The following KCNH1 variants were observed in gnomAD, a reference collection of about 807,000 sequenced individuals.
KCNH1 encodes the protein voltage-gated delayed rectifier potassium channel KCNH1.
Under a neutral mutation model 69.2 loss-of-function variants are expected in KCNH1, and 27 were observed. That is an observed-to-expected ratio of 0.39 (90% CI 0.29 to 0.54). The LOEUF is 0.54. Among genes scored for constraint, KCNH1 ranks in the 20% least tolerant of loss-of-function variants. KCNH1 has a pLI of 0.68. For synonymous variants in KCNH1, 456 were observed against 487.7 expected (o/e 0.93, Z 0.86); for missense variants, 798 against 1,261.6 (o/e 0.63, Z 5.57).
intron 10 of KCNH1, among the ~76,000 whole-genome samples, chr1:210,720,922 ACT>A (rs1177100180): frequency 6.6e-6 from 1 of 152,070 alleles, no homozygotes; most frequent in Non-Finnish European, 1.5e-5. Flanking sequence ...TATGACAGTC[ACT>A]CTGACATTGA....
At chr1:211,000,857 C>T (rs1440307405) in intron 6 of KCNH1, among the ~76,000 whole-genome samples, 1 of 151,992 alleles carries the variant, frequency 6.6e-6, no homozygotes, top group Non-Finnish European at 1.5e-5. Context: ...GAAATAATAC[C>T]ACAAATCTAC....
intron 1 of KCNH1, among the ~76,000 whole-genome samples, chr1:211,113,693 C>T (rs1040564449): frequency 3.9e-5 from 6 of 152,182 alleles, no homozygotes; most frequent in African/African-American, 1.4e-4. Flanking sequence ...CACTCCTGAG[C>T]CTCCCTCAGT....
In KCNH1 at chr1:210,701,228, C is replaced by T. The variant is rs558442911; in HGVS notation, c.2113-17090G>A. ...CTGGGATTACAGGCGTGAGCCACCA[C>T]ACCCGGCCCTTTTTATTTTTTTGGT... is the stretch of plus-strand genomic sequence containing the variant. On this transcript the variant is annotated intron_variant, in intron 10 of 10. Transcript: ENST00000271751. Among the ~76,000 whole-genome samples the T allele has an allele frequency of 2.6e-5, 4 of 152,300 alleles. No homozygotes were observed. In the South Asian group the frequency reaches 8.3e-4, roughly 32 times the overall value.
chr1:211,126,124 G>A (rs891637949), intron 1 of KCNH1, among the ~76,000 whole-genome samples: 1 of 152,136 alleles, frequency 6.6e-6, no homozygotes, highest in African/African-American at 2.4e-5. Context: ...CAGCACTTTG[G>A]GTAGCTGAGG....
intron 5 of KCNH1, among the ~76,000 whole-genome samples, chr1:211,066,947 G>A (rs1006242142): frequency 9.9e-5 from 15 of 152,148 alleles, no homozygotes; most frequent in Non-Finnish European, 2.2e-4. Flanking sequence ...TCGTGCCTAC[G>A]CTCCAGCTAT....
At chr1:211,046,005 T>C (rs774341177) in intron 5 of KCNH1, among the ~76,000 whole-genome samples, 3 of 152,244 alleles carry the variant, frequency 2.0e-5, no homozygotes, top group Non-Finnish European at 2.9e-5. Flanking sequence ...TGATCACAAA[T>C]GGCAGGATTT....
In KCNH1 at chr1:210,683,527, T is replaced by C. The variant is rs775452186; in HGVS notation, c.2724A>G (p.Ala908=). The change falls in exon 11 of 11, where the codon GCA becomes GCG. Residue 908 remains alanine (A), a synonymous_variant. Transcript: ENST00000271751. This position sits in a 1 kb window ranked among gnomAD's most constrained non-coding sequence, Gnocchi z 5.7. ...RSPQDRSPIL[A]EVKHSFYPIP... ...TGGGGTAGAACGAATGCTTGACCTC[T>C]GCCAGGATGGGACTCCGATCCTGGG... 2 of 1,614,144 alleles carry C rather than the reference T, an allele frequency of 1.2e-6. No individual in the cohort carries two copies. Among genetic ancestry groups the C allele is most frequent in the Non-Finnish European group, 8.5e-7 (1 of 1,180,018 alleles).
At chr1:210,850,704 A>T (rs1368288339) in intron 7 of KCNH1, among the ~76,000 whole-genome samples, 1 of 152,216 alleles carries the variant, frequency 6.6e-6, no homozygotes, top group East Asian at 1.9e-4. Flanking sequence ...CTGACACAGC[A>T]GTCTCAACAG....
chr1:210,744,655 C>T (rs901592584), intron 10 of KCNH1, among the ~76,000 whole-genome samples: 3 of 151,882 alleles, frequency 2.0e-5, no homozygotes, highest in Non-Finnish European at 2.9e-5. Flanking sequence ...AAAACAAAAA[C>T]AAAACAAAAC....
chr1:211,058,130 T>C (rs1052721816), intron 5 of KCNH1, among the ~76,000 whole-genome samples: 1 of 151,946 alleles, frequency 6.6e-6, no homozygotes, highest in Non-Finnish European at 1.5e-5. Context: ...TCTTCAAACA[T>C]GAAGAAAAAA....
chr1:210,803,872 C>T lies in KCNH1; in HGVS notation c.1662+95G>A. The T allele has an allele frequency of 3.7e-6, 4 of 1,086,406 alleles. No homozygotes were observed. In the South Asian group the frequency reaches 4.5e-5, roughly 12 times the overall value. 67.3% of individuals were successfully genotyped at this position (1,086,406 alleles called of 1,614,324 possible). ...AAAGTACTCAAGTGAATTCTGAGCA[C>T]AGCCAGGTTTGACATCCACTGTCTT... On this transcript the variant is annotated intron_variant, in intron 8 of 10. Transcript: ENST00000271751.
At position 210,853,403 on chromosome 1, in the gene KCNH1, C is replaced by T. The variant is rs148922155; in HGVS notation, c.1463-49237G>A. Among the ~76,000 whole-genome samples the T allele has an allele frequency of 3.6e-3, 545 of 152,284 alleles. 4 individuals carry two copies. Among genetic ancestry groups the T allele is most frequent in the African/African-American group, 0.013 (525 of 41,552 alleles). ...CCAGGACTGCTCCCCAGAGGCTTGG[C>T]CACTGAGGCAGATGATAAACAGAGA... On this transcript the variant is annotated intron_variant, in intron 7 of 10. Transcript: ENST00000271751.
chr1:210,879,979 AG>A (rs1395044229), intron 7 of KCNH1, among the ~76,000 whole-genome samples: 1 of 152,156 alleles, frequency 6.6e-6, no homozygotes. Context: ...TCAGAAGCGC[AG>A]TATCACTTAC....
At chr1:211,054,327 A>G (rs1690264962) in intron 5 of KCNH1, among the ~76,000 whole-genome samples, 1 of 152,084 alleles carries the variant, frequency 6.6e-6, no homozygotes, top group South Asian at 2.1e-4. Context: ...CTCAATGAAC[A>G]TATGATTCTA....
At chr1:211,005,137 T>C (rs1462193841) in intron 6 of KCNH1, among the ~76,000 whole-genome samples, 3 of 152,062 alleles carry the variant, frequency 2.0e-5, no homozygotes, top group Non-Finnish European at 4.4e-5. Flanking sequence ...TAAAGAGACA[T>C]TACTTATGAA....
intron 7 of KCNH1, among the ~76,000 whole-genome samples, chr1:210,869,070 A>G (rs1357794598): frequency 6.6e-6 from 1 of 152,118 alleles, no homozygotes; most frequent in African/African-American, 2.4e-5. Flanking sequence ...TGTTTTTGTT[A>G]CAGCTCTTTA....
intron 10 of KCNH1, among the ~76,000 whole-genome samples, chr1:210,749,585 C>T (rs1269042855): frequency 6.6e-6 from 1 of 152,030 alleles, no homozygotes; most frequent in Non-Finnish European, 1.5e-5. Flanking sequence ...TACTTGGAAC[C>T]TGATTTTTAA....
At chr1:211,030,586 C>A (rs766332346) in intron 5 of KCNH1, among the ~76,000 whole-genome samples, 100 of 152,088 alleles carry the variant, frequency 6.6e-4, no homozygotes, top group Admixed American at 3.7e-3. Context: ...CTAAGTCTCG[C>A]ATCTTATTTA....
intron 10 of KCNH1, among the ~76,000 whole-genome samples, chr1:210,728,510 G>A (rs567192145): frequency 2.0e-5 from 3 of 152,292 alleles, no homozygotes; most frequent in African/African-American, 7.2e-5. Context: ...GTTTTGCCTT[G>A]ATGACATGGA....
Sources: allele counts gnomAD v4.1 joint callset (sites outside exome capture counted in the v4.1 genomes callset), GRCh38; gene constraint gnomAD v4.1.1; non-coding constraint Gnocchi (gnomAD v3.1); transcripts MANE v1.5; gene names NCBI Gene and HGNC (gene_info 2026-07-23, HGNC 2026-07-21).